The following NDUFA10 variants were observed in gnomAD, a reference collection of about 807,000 sequenced individuals.
NDUFA10 encodes the protein NADH:ubiquinone oxidoreductase subunit A10, also known as NADH dehydrogenase [ubiquinone] 1 alpha subcomplex subunit 10, mitochondrial.
In NDUFA10, 40 loss-of-function variants were observed where a neutral mutation model predicts 47.8. That is an observed-to-expected ratio of 0.84 (90% CI 0.65 to 1.09). The LOEUF (loss-of-function observed/expected upper bound fraction) is 1.09, where lower values mean the gene tolerates loss of function less well. Among genes scored for constraint, NDUFA10 ranks in the 50% least tolerant of loss-of-function variants. NDUFA10 has a pLI of 0.00. For synonymous variants in NDUFA10, 183 were observed against 172.2 expected (o/e 1.06, Z -0.49); for missense variants, 413 against 451.1 (o/e 0.92, Z 0.76).
intron 9 of NDUFA10, among the ~76,000 whole-genome samples, chr2:239,982,397 C>T (rs114974860): frequency 0.013 from 2,035 of 152,346 alleles, 41 homozygotes; most frequent in African/African-American, 0.046. Flanking sequence ...TAGAAAACAG[C>T]ATTTAATTTT....
chr2:239,946,803 CAG>C (rs1694461022), intron 4 of NDUFA10, among the ~76,000 whole-genome samples: 1 of 152,244 alleles, frequency 6.6e-6, no homozygotes, highest in African/African-American at 2.4e-5. Context: ...CTCCTGCAGG[CAG>C]AGAGAAGGCT....
intron 8 of NDUFA10, among the ~76,000 whole-genome samples, chr2:239,990,659 C>T (rs1203906352): frequency 2.6e-5 from 4 of 152,188 alleles, no homozygotes; most frequent in African/African-American, 9.6e-5. Flanking sequence ...TCTTACTGCT[C>T]TGTTCTGTAT....
At position 239,991,314 on chromosome 2, in the gene NDUFA10, C is replaced by T. The variant is rs549793153; in HGVS notation, c.891-1132G>A. On this transcript the variant is annotated intron_variant, in intron 8 of 9. Coordinates refer to ENST00000252711, the MANE Select transcript of NDUFA10 (RefSeq NM_004544.4). Reference sequence around the variant, plus strand: ...GCGTCGCTCATACACGGTTAGTGATCCAATAATGCAAATGCCCCTCCAAGA... The same window carrying T: ...GCGTCGCTCATACACGGTTAGTGATTCAATAATGCAAATGCCCCTCCAAGA... 3.1e-4 allele frequency among the ~76,000 whole-genome samples: 47 copies of T among 152,300 alleles called. No homozygotes were observed. The South Asian group carries it at 9.1e-3, about 30-fold the overall frequency.
chr2:240,020,032 T>C (rs1697554693), intron 3 of NDUFA10, among the ~76,000 whole-genome samples: 1 of 152,194 alleles, frequency 6.6e-6, no homozygotes. Flanking sequence ...TAAAATGTTT[T>C]CAACTTTTTC....
chr2:239,983,596 A>T, intron 9 of NDUFA10: 3 of 1,593,668 alleles, frequency 1.9e-6, no homozygotes, highest in Non-Finnish European at 2.6e-6. Context: ...GAGACCCAGC[A>T]AGCACGACCT....
At chr2:239,941,178 CA>C in intron 4 of NDUFA10, among the ~76,000 whole-genome samples, 1 of 152,316 alleles carries the variant, frequency 6.6e-6, no homozygotes, top group East Asian at 1.9e-4. Flanking sequence ...ACGTATGACC[CA>C]TAACCATTTA....
intron 4 of NDUFA10, among the ~76,000 whole-genome samples, chr2:239,946,478 C>T (rs1694455194): frequency 6.6e-6 from 1 of 152,230 alleles, no homozygotes; most frequent in South Asian, 2.1e-4. Flanking sequence ...CCCGCAGGCA[C>T]TGCGCTCAGA....
chr2:239,942,328 G>A (rs1694372823), intron 4 of NDUFA10, among the ~76,000 whole-genome samples: 1 of 152,244 alleles, frequency 6.6e-6, no homozygotes, highest in Non-Finnish European at 1.5e-5. Context: ...CAGCAGGCCT[G>A]GGTGCAGCCT....
chr2:239,959,938 C>T lies in NDUFA10; in HGVS notation c.*1180G>A. On this transcript the variant is annotated 3_prime_UTR_variant, in exon 10 of 10. Coordinates refer to ENST00000252711, the MANE Select transcript of NDUFA10 (RefSeq NM_004544.4). ...GCAGCAGCGAGGCCTGGTAGAGCTT[C>T]CGCGGGGAGCAGAGCATCGTCCTCT... 1.0e-6 allele frequency: 1 copy of T among 985,512 alleles called. No individual in the cohort carries two copies. Among genetic ancestry groups the T allele is most frequent in the Non-Finnish European group, 1.2e-6 (1 of 829,954 alleles). The allele number at this position is 985,512 out of a possible 1,614,324, so 61.0% of individuals were successfully genotyped here.
At chr2:239,975,910 A>G (rs1192563272) in intron 9 of NDUFA10, among the ~76,000 whole-genome samples, 1 of 152,178 alleles carries the variant, frequency 6.6e-6, no homozygotes, top group Non-Finnish European at 1.5e-5. Context: ...AACCAAAGCC[A>G]CAGCACCAGC....
intron 1 of NDUFA10, among the ~76,000 whole-genome samples, chr2:240,024,873 C>A (rs1342084168): frequency 6.6e-6 from 1 of 152,222 alleles, no homozygotes; most frequent in African/African-American, 2.4e-5. Flanking sequence ...GACCTTTAAA[C>A]GGCTCTTGAC....
intron 7 of NDUFA10, 74 bp from the exon 8 acceptor site, chr2:240,005,369 G>T: frequency 8.2e-7 from 1 of 1,221,256 alleles, no homozygotes; most frequent in Non-Finnish European, 1.2e-6. Context: ...TTTTTTTTGA[G>T]ACAGGGTCCG....
At chr2:240,005,394 G>T in intron 7 of NDUFA10, 99 bp from the exon 8 acceptor site, 1 of 971,760 alleles carries the variant, frequency 1.0e-6, no homozygotes, top group Non-Finnish European at 1.6e-6. Flanking sequence ...TATCATCCAG[G>T]CTGGAAAGTA....
Position 239,908,547 on chromosome 2 carries a change from G to A in NDUFA10, c.295-13233C>T, listed in dbSNP as rs1460158059. 2.0e-5 allele frequency among the ~76,000 whole-genome samples: 3 copies of A among 152,208 alleles called. No individual in the cohort carries two copies. In the East Asian group the frequency reaches 5.8e-4, roughly 29 times the overall value. ...GCTCCCTTCCTGTCCCATGGGGATT[G>A]AGGGCTCCCTGACTTGCTTTGTGAC... On this transcript the variant is annotated intron_variant, in intron 4 of 5. Transcript: ENST00000419408.
chr2:239,982,262 C>T, intron 9 of NDUFA10: 1 of 1,601,684 alleles, frequency 6.2e-7, no homozygotes. Context: ...TCGCCTCTGA[C>T]AAAGGCCGAC....
chr2:239,964,283 T>C (rs1383934651), intron 9 of NDUFA10, among the ~76,000 whole-genome samples: 1 of 151,736 alleles, frequency 6.6e-6, no homozygotes, highest in Non-Finnish European at 1.5e-5. Context: ...GAGAAGGAGA[T>C]GTGACAATGG....
chr2:239,895,208 T>C, exon 5 of NDUFA10: 1 of 460,408 alleles, frequency 2.2e-6, no homozygotes, highest in South Asian at 1.6e-5. Flanking sequence ...CACTTACCTA[T>C]TCCCAGGCAC....
At chr2:239,951,312 T>C (rs866984365) in intron 4 of NDUFA10, among the ~76,000 whole-genome samples, 5 of 152,294 alleles carry the variant, frequency 3.3e-5, no homozygotes, top group South Asian at 2.1e-4. Context: ...GGACAATGGC[T>C]GCGTCAGCCA....
intron 9 of NDUFA10, among the ~76,000 whole-genome samples, chr2:239,962,096 T>G (rs1416628072): frequency 6.6e-6 from 1 of 152,118 alleles, no homozygotes; most frequent in East Asian, 1.9e-4. Context: ...ACCACCTCGT[T>G]GCGGAGCCAG....
Sources: gnomAD v4.1 joint callset for allele counts (sites outside exome capture counted in the v4.1 genomes callset) on GRCh38, gnomAD v4.1.1 for gene constraint, MANE v1.5 for transcripts, NCBI Gene and HGNC (gene_info 2026-07-23, HGNC 2026-07-21) for gene names.